GRM5: variants seen among roughly 807,000 people sequenced by gnomAD.
GRM5 encodes metabotropic glutamate receptor 5.
A neutral mutation model predicts 83.1 loss-of-function variants in GRM5; 19 were observed. The ratio of observed to expected loss-of-function variants is 0.23; its 90% CI spans 0.16 to 0.34. The LOEUF (loss-of-function observed/expected upper bound fraction) is 0.34. Among genes scored for constraint, GRM5 ranks in the 10% least tolerant of loss-of-function variants. GRM5 has a pLI of 1.00. For missense variants in GRM5, 1,160 were observed against 1,588.3 expected, an observed-to-expected ratio of 0.73 and a Z score of 4.58; for synonymous variants, 675 against 633.6, an observed-to-expected ratio of 1.07 and a Z score of -0.98.
In GRM5 at chr11:89,015,888, T is replaced by C. The variant is rs145114797; in HGVS notation, c.661+31324A>G. Among the ~76,000 whole-genome samples, 1,029 of 152,264 alleles carry C rather than the reference T, an allele frequency of 6.8e-3. 9 individuals are homozygous for C. Among genetic ancestry groups the C allele is most frequent in the African/African-American group, 0.024 (979 of 41,554 alleles). On this transcript the variant is annotated intron_variant, in intron 2 of 9. Transcript: ENST00000305447. The stretch of plus-strand genomic sequence containing the variant: ...AGCTAACAATGTGAGTTAGGGGGCA[T>C]GTCATTTAACCTCATCGCTTTTGTT...
chr11:88,708,185 T>A (rs1202558060), intron 3 of GRM5, among the ~76,000 whole-genome samples: 6 of 152,086 alleles, frequency 3.9e-5, no homozygotes, highest in African/African-American at 1.4e-4. Flanking sequence ...ATTAAGCAGA[T>A]ACTCCTGCTT....
In GRM5 at chr11:88,567,689, T is replaced by C; in HGVS notation, c.1994A>G (p.Lys665Arg). The part of the protein sequence containing the change: ...PAMSYSALVT[K>R]TNRIARILAG... ...CAGGATCCTTGCAATACGGTTGGTC[T>C]TTGTTACAAGGGCTGAGTAGCTCAT... Residue 665 changes from lysine (K) to arginine (R), a missense_variant, in exon 8 of 10, where the codon AAG becomes AGG. By Grantham distance (26) the Lys-to-Arg change is conservative. Around this residue, in one of 9 missense-constraint regions of GRM5, gnomAD observed 132 missense variants for 245.5 expected, o/e 0.54. Coordinates refer to ENST00000305447, the MANE Select transcript of GRM5 (RefSeq NM_001143831.3). This position sits in a 1 kb window ranked among gnomAD's most constrained non-coding sequence, Gnocchi z 7.3. 4 of 1,614,164 alleles carry C rather than the reference T, an allele frequency of 2.5e-6. No individual in the cohort carries two copies. The highest frequency in any genetic ancestry group is 2.5e-6 in the Non-Finnish European group (3 of 1,180,006).
intron 2 of GRM5, among the ~76,000 whole-genome samples, chr11:88,984,541 T>A (rs560215308): frequency 6.6e-6 from 1 of 152,164 alleles, no homozygotes; most frequent in African/African-American, 2.4e-5. Context: ...AAGTGACATA[T>A]GACTATAAAT....
chr11:88,846,756 AAAAG>A (rs35740760), intron 3 of GRM5, among the ~76,000 whole-genome samples: 45,183 of 150,948 alleles, frequency 0.3, 6,838 homozygotes, highest in South Asian at 0.52. Flanking sequence ...AGAAGGAGCA[AAAAG>A]AGAGATTTTC....
chr11:88,549,371 T>C (rs1942452940), intron 8 of GRM5, among the ~76,000 whole-genome samples: 1 of 151,364 alleles, frequency 6.6e-6, no homozygotes, highest in African/African-American at 2.4e-5. Flanking sequence ...AGGATCACTT[T>C]AGCCCAGGCC....
intron 3 of GRM5, among the ~76,000 whole-genome samples, chr11:88,849,493 G>A (rs1338588906): frequency 6.6e-6 from 1 of 152,088 alleles, no homozygotes; most frequent in Non-Finnish European, 1.5e-5. Flanking sequence ...TGCTCTGAAA[G>A]CAATCCCTCA....
chr11:88,633,966 T>A (rs969453832), intron 4 of GRM5, among the ~76,000 whole-genome samples: 2 of 152,206 alleles, frequency 1.3e-5, no homozygotes, highest in African/African-American at 2.4e-5. Context: ...ATACATAAGC[T>A]ATATGATATA....
intron 4 of GRM5, among the ~76,000 whole-genome samples, chr11:88,613,842 C>A (rs1370203710): frequency 2.0e-5 from 3 of 152,108 alleles, no homozygotes; most frequent in Admixed American, 2.0e-4. Flanking sequence ...TTTCTCTAGA[C>A]CTCTCTCTGA....
rs186278138 is a variant in GRM5, at chr11:89,059,766, T to A, written c.-201+6010A>T. Among the ~76,000 whole-genome samples the A allele has an allele frequency of 6.2e-4, 94 of 152,258 alleles. 1 individual carries two copies. In the East Asian group the frequency reaches 0.016, roughly 26 times the overall value. On this transcript the variant is annotated intron_variant, in intron 1 of 9. Coordinates refer to ENST00000305447, the MANE Select transcript of GRM5 (RefSeq NM_001143831.3). The stretch of plus-strand genomic sequence containing the variant: ...CTATGGGTCAGATACTTTATTTTTT[T>A]AATTTATTTTTCTCTTTATGTCTTC...
intron 3 of GRM5, among the ~76,000 whole-genome samples, chr11:88,689,496 A>G (rs923017407): frequency 6.6e-6 from 1 of 152,216 alleles, no homozygotes; most frequent in Admixed American, 6.5e-5. Context: ...CTAAGAAAGC[A>G]TGGCTTATTC....
intron 2 of GRM5, among the ~76,000 whole-genome samples, chr11:88,932,578 A>T (rs1245700971): frequency 1.3e-5 from 2 of 151,958 alleles, no homozygotes; most frequent in Non-Finnish European, 2.9e-5. Flanking sequence ...ATATATAAAA[A>T]ATAAGCAGGT....
intron 8 of GRM5, among the ~76,000 whole-genome samples, chr11:88,556,715 A>C (rs1942637244): frequency 6.6e-6 from 1 of 152,100 alleles, no homozygotes; most frequent in African/African-American, 2.4e-5. Context: ...AGAGGCTCTG[A>C]GAATTTAAGT....
At position 88,993,338 on chromosome 11, in the gene GRM5, A is replaced by T. The variant is rs1352526099; in HGVS notation, c.661+53874T>A. On this transcript the variant is annotated intron_variant, in intron 2 of 9. Coordinates refer to ENST00000305447, the MANE Select transcript of GRM5 (RefSeq NM_001143831.3). ...ATGGATATCCATTTTTCCCAGTGGC[A>T]GTTATTGAGGAGACTTTTCTTCCAT... Among the ~76,000 whole-genome samples the T allele has an allele frequency of 4.6e-5, 7 of 150,910 alleles. No individual in the cohort carries two copies. The East Asian group carries it at 5.9e-4, about 13-fold the overall frequency.
chr11:88,861,590 C>T (rs867699623), intron 2 of GRM5, among the ~76,000 whole-genome samples: 19 of 152,030 alleles, frequency 1.2e-4, no homozygotes, highest in African/African-American at 3.4e-4. Flanking sequence ...CTCAGCCTCC[C>T]GGTTAGCTGG....
chr11:88,701,641 G>C (rs377328559), intron 3 of GRM5, among the ~76,000 whole-genome samples: 1 of 152,260 alleles, frequency 6.6e-6, no homozygotes, highest in East Asian at 1.9e-4. Flanking sequence ...TTTTAGGGAA[G>C]TAGAAGTTAC....
At chr11:88,866,297 A>G (rs1461977051) in intron 2 of GRM5, among the ~76,000 whole-genome samples, 1 of 152,000 alleles carries the variant, frequency 6.6e-6, no homozygotes, top group Non-Finnish European at 1.5e-5. Context: ...GCAAACTAAC[A>G]TAGGAACAGA....
chr11:88,700,841 C>T (rs1320649006), intron 3 of GRM5, among the ~76,000 whole-genome samples: 1 of 152,150 alleles, frequency 6.6e-6, no homozygotes, highest in Non-Finnish European at 1.5e-5. Flanking sequence ...AACTGAGATA[C>T]TGGCTTAGGT....
intron 2 of GRM5, among the ~76,000 whole-genome samples, chr11:89,023,205 G>T (rs142111493): frequency 6.6e-6 from 1 of 151,914 alleles, no homozygotes; most frequent in Non-Finnish European, 1.5e-5. Flanking sequence ...TGGGTACATG[G>T]AAAATATCAG....
At chr11:88,570,571 A>ATATATATATATATATATTTT (rs1405339448) in intron 7 of GRM5, among the ~76,000 whole-genome samples, 4 of 46,376 alleles carry the variant, frequency 8.6e-5, no homozygotes, top group African/African-American at 1.3e-4. Context: ...ATATATATAT[A>ATATATATATATATATATTTT]TTTTTTTTTT....
Sources: gnomAD v4.1 joint callset for allele counts (sites outside exome capture counted in the v4.1 genomes callset) on GRCh38, gnomAD v4.1.1 for gene constraint, gnomAD v4.1.1 regional missense constraint, Gnocchi (gnomAD v3.1) non-coding constraint, MANE v1.5 for transcripts, NCBI Gene and HGNC (gene_info 2026-07-23, HGNC 2026-07-21) for gene names.